The following KCNC2 variants were observed in gnomAD, a reference collection of about 807,000 sequenced individuals.
The protein encoded by KCNC2 is voltage-gated potassium channel KCNC2.
KCNC2 carries 21 observed loss-of-function variants against 44.5 expected under a neutral mutation model. The observed-to-expected ratio is 0.47, with a 90% CI of 0.33 to 0.68. The LOEUF (loss-of-function observed/expected upper bound fraction) is 0.68. Ranked by LOEUF, KCNC2 falls within the 30% of genes least tolerant of loss-of-function variation. The pLI is 0.01. For missense variants in KCNC2, 589 were observed against 826.2 expected (o/e 0.71, Z 3.52); for synonymous variants, 391 against 339.1 (o/e 1.15, Z -1.68).
At chr12:75,139,823 TTAA>T (rs1214347034) in intron 2 of KCNC2, among the ~76,000 whole-genome samples, 1 of 152,210 alleles carries the variant, frequency 6.6e-6, no homozygotes, top group Non-Finnish European at 1.5e-5. Context: ...GTCGGAGGAA[TTAA>T]TAAAGTATTG....
rs572020914 is a variant in KCNC2, at chr12:75,041,978, A to G, written c.*1127T>C. 7 of 1,032,628 alleles carry G rather than the reference A, an allele frequency of 6.8e-6. No individual in the cohort carries two copies. In the African/African-American group the frequency reaches 1.2e-4, roughly 17 times the overall value. The allele number at this position is 1,032,628 out of a possible 1,614,324, so 64.0% of individuals were successfully genotyped here. On this transcript the variant is annotated 3_prime_UTR_variant, in exon 5 of 5. Transcript: ENST00000549446. Reference sequence around the variant, plus strand: ...AGACAGGGAGCTAAGACAGACAAGAACAACATACAGGACAAAGCACCTGAT... The same window carrying G: ...AGACAGGGAGCTAAGACAGACAAGAGCAACATACAGGACAAAGCACCTGAT...
chr12:75,160,094 G>A (rs1210439856), intron 2 of KCNC2, among the ~76,000 whole-genome samples: 1 of 151,866 alleles, frequency 6.6e-6, no homozygotes, highest in East Asian at 1.9e-4. Flanking sequence ...CACAGAATGT[G>A]ACTGTATTTG....
rs562835849 is a variant in KCNC2, at chr12:75,207,789, C to A, written c.195G>T (p.Pro65=). 1 of 1,591,484 alleles carries A rather than the reference C, an allele frequency of 6.3e-7. No individual in the cohort carries two copies. The highest frequency in any genetic ancestry group is 2.3e-5 in the East Asian group (1 of 43,538). ...QPSPPPLSPP[P]RAPPLSPGPG... ...GCCCGGGGGACAGCGGGGGCGCTCT[C>A]GGCGGCGGCGACAGTGGAGGCGGCG... Residue 65 remains proline (P), a synonymous_variant, in exon 2 of 5, where the codon CCG becomes CCT. Transcript: ENST00000549446. This position sits in a 1 kb window ranked among gnomAD's most constrained non-coding sequence, Gnocchi z 4.1.
chr12:75,086,681 A>AAAAAAATATAT (rs1206456289), intron 2 of KCNC2, among the ~76,000 whole-genome samples: 2 of 54,202 alleles, frequency 3.7e-5, no homozygotes, highest in African/African-American at 1.6e-4. Flanking sequence ...AAAAAAAAAA[A>AAAAAAATATAT]ATATATATAT....
intron 2 of KCNC2, among the ~76,000 whole-genome samples, chr12:75,127,020 G>T (rs1049011591): frequency 2.0e-5 from 3 of 152,096 alleles, no homozygotes; most frequent in African/African-American, 4.8e-5. Flanking sequence ...ATGTGCCCTG[G>T]TCTAGTTAAT....
chr12:75,180,938 T>C (rs1021150661), intron 2 of KCNC2, among the ~76,000 whole-genome samples: 3 of 152,128 alleles, frequency 2.0e-5, no homozygotes, highest in Non-Finnish European at 2.9e-5. Flanking sequence ...TCCAAAAAAA[T>C]CAATTTCTTC....
chr12:75,076,402 A>G (rs1427137344), intron 2 of KCNC2, among the ~76,000 whole-genome samples: 1 of 152,102 alleles, frequency 6.6e-6, no homozygotes, highest in Non-Finnish European at 1.5e-5. Flanking sequence ...CCTCCAGAGT[A>G]GCTGGGACTA....
intron 2 of KCNC2, among the ~76,000 whole-genome samples, chr12:75,054,473 T>C (rs1881525394): frequency 6.6e-6 from 1 of 152,110 alleles, no homozygotes; most frequent in Non-Finnish European, 1.5e-5. Context: ...AAATGAGAAA[T>C]TCCTTCACAG....
chr12:75,099,104 T>A (rs1886168296), intron 2 of KCNC2, among the ~76,000 whole-genome samples: 1 of 152,194 alleles, frequency 6.6e-6, no homozygotes, highest in Non-Finnish European at 1.5e-5. Flanking sequence ...GGAGTGTTGC[T>A]ACAAAATGTA....
At chr12:75,153,573 A>T (rs899069969) in intron 2 of KCNC2, among the ~76,000 whole-genome samples, 3 of 151,842 alleles carry the variant, frequency 2.0e-5, no homozygotes, top group Admixed American at 6.6e-5. Flanking sequence ...CCACTATGCA[A>T]TATATCCATT....
At chr12:75,093,376 T>C (rs529969574) in intron 2 of KCNC2, among the ~76,000 whole-genome samples, 2 of 151,680 alleles carry the variant, frequency 1.3e-5, no homozygotes, top group Non-Finnish European at 3.0e-5. Context: ...CATGTGGCTA[T>C]GGAAAGGCAA....
chr12:75,110,313 TTGAAA>T (rs1887130683), intron 2 of KCNC2, among the ~76,000 whole-genome samples: 1 of 152,136 alleles, frequency 6.6e-6, no homozygotes, highest in South Asian at 2.1e-4. Flanking sequence ...TAGGTAACTT[TTGAAA>T]TAAAAGGAAT....
chr12:75,142,204 C>T (rs553692893), intron 2 of KCNC2, among the ~76,000 whole-genome samples: 25 of 152,270 alleles, frequency 1.6e-4, no homozygotes, highest in African/African-American at 6.0e-4. Context: ...CAAGATCCTA[C>T]TTTAAATGGC....
chr12:75,170,118 G>A (rs1280475690), intron 2 of KCNC2, among the ~76,000 whole-genome samples: 1 of 151,678 alleles, frequency 6.6e-6, no homozygotes, highest in African/African-American at 2.4e-5. Context: ...TCAAGGTGAA[G>A]TCACTAGAAT....
intron 2 of KCNC2, among the ~76,000 whole-genome samples, chr12:75,164,118 T>C (rs1891296076): frequency 6.6e-6 from 1 of 151,720 alleles, no homozygotes; most frequent in Middle Eastern, 3.2e-3. Flanking sequence ...TAGTTTCAAG[T>C]TGGTCATTTG....
intron 2 of KCNC2, among the ~76,000 whole-genome samples, chr12:75,100,452 T>A (rs1045249037): frequency 6.6e-6 from 1 of 152,048 alleles, no homozygotes; most frequent in East Asian, 1.9e-4. Context: ...AATATCTGAT[T>A]TTATTGGATG....
At chr12:75,119,267 A>G (rs917186013) in intron 2 of KCNC2, among the ~76,000 whole-genome samples, 1 of 152,162 alleles carries the variant, frequency 6.6e-6, no homozygotes, top group African/African-American at 2.4e-5. Context: ...AACAGCATGC[A>G]GAGGCTGCCA....
At chr12:75,196,165 G>C (rs1173725266) in intron 2 of KCNC2, among the ~76,000 whole-genome samples, 2 of 152,030 alleles carry the variant, frequency 1.3e-5, no homozygotes, top group African/African-American at 4.8e-5. Context: ...TCATCCTTTG[G>C]TTGTTTTCTT....
intron 2 of KCNC2, among the ~76,000 whole-genome samples, chr12:75,158,963 T>C (rs1453246893): frequency 1.3e-5 from 2 of 151,812 alleles, no homozygotes; most frequent in Non-Finnish European, 2.9e-5. Context: ...GGGGTAAATA[T>C]AAGCCCTTGG....
Sources: allele counts gnomAD v4.1 joint callset (sites outside exome capture counted in the v4.1 genomes callset), GRCh38; gene constraint gnomAD v4.1.1; non-coding constraint Gnocchi (gnomAD v3.1); transcripts MANE v1.5; gene names NCBI Gene and HGNC (gene_info 2026-07-23, HGNC 2026-07-21).